The following LRFN5 variants were observed in gnomAD, a reference collection of about 807,000 sequenced individuals.
The protein encoded by LRFN5 is leucine rich repeat and fibronectin type III domain containing 5, also known as leucine-rich repeat and fibronectin type-III domain-containing protein 5.
In LRFN5, 24 loss-of-function variants were observed where a neutral mutation model predicts 45.6. The ratio of observed to expected loss-of-function variants is 0.53; its 90% CI spans 0.38 to 0.74. The LOEUF (loss-of-function observed/expected upper bound fraction) is 0.74, where lower values mean the gene tolerates loss of function less well. LRFN5 is among the 30% of genes least tolerant of loss of function. LRFN5 has a pLI of 0.00. For synonymous variants in LRFN5, 340 were observed against 313.8 expected (o/e 1.08, Z -0.88); for missense variants, 776 against 861.5 (o/e 0.90, Z 1.24).
intron 2 of LRFN5, among the ~76,000 whole-genome samples, chr14:41,805,891 A>G (rs1887509888): frequency 6.6e-6 from 1 of 151,996 alleles, no homozygotes; most frequent in Non-Finnish European, 1.5e-5. Flanking sequence ...ATCATGAATC[A>G]TTAGGGTATG....
intron 1 of LRFN5, among the ~76,000 whole-genome samples, chr14:41,704,448 C>CTG (rs59129586): frequency 4.8e-5 from 6 of 124,236 alleles, no homozygotes; most frequent in Non-Finnish European, 7.9e-5. Flanking sequence ...CTCTCTCTCT[C>CTG]TGTGTGTGTG....
chr14:41,828,947 A>G (rs1244797457), intron 2 of LRFN5, among the ~76,000 whole-genome samples: 1 of 151,938 alleles, frequency 6.6e-6, no homozygotes, highest in Admixed American at 6.6e-5. Flanking sequence ...CTAATATGAG[A>G]TATTACACAT....
chr14:41,674,478 G>A (rs1187178906), intron 1 of LRFN5, among the ~76,000 whole-genome samples: 11 of 128,726 alleles, frequency 8.5e-5, no homozygotes, highest in East Asian at 5.2e-4. Context: ...CTCACCTCCC[G>A]GACGGGGTGG....
At chr14:41,770,689 G>A (rs753618508) in intron 2 of LRFN5, among the ~76,000 whole-genome samples, 9 of 152,178 alleles carry the variant, frequency 5.9e-5, no homozygotes, top group Non-Finnish European at 1.2e-4. Context: ...GCAGGACACA[G>A]TACACATAGC....
At chr14:41,683,205 T>C (rs962401312) in intron 1 of LRFN5, among the ~76,000 whole-genome samples, 4 of 152,152 alleles carry the variant, frequency 2.6e-5, no homozygotes, top group African/African-American at 9.7e-5. Flanking sequence ...ATCAATAGAA[T>C]GAAGGAAAAA....
chr14:41,677,332 T>C (rs1881678723), intron 1 of LRFN5, among the ~76,000 whole-genome samples: 1 of 151,872 alleles, frequency 6.6e-6, no homozygotes, highest in African/African-American at 2.4e-5. Context: ...AGAAAGACAA[T>C]TATAAAGCAT....
chr14:41,678,010 CAT>C (rs1881713174), intron 1 of LRFN5, among the ~76,000 whole-genome samples: 1 of 151,838 alleles, frequency 6.6e-6, no homozygotes, highest in Admixed American at 6.6e-5. Flanking sequence ...CAGAGATTGT[CAT>C]GATAATTTAA....
At chr14:41,799,083 T>C (rs1454715652) in intron 2 of LRFN5, among the ~76,000 whole-genome samples, 6 of 152,026 alleles carry the variant, frequency 3.9e-5, no homozygotes, top group Admixed American at 3.9e-4. Context: ...TGTCCAAACT[T>C]TAAAACAGAG....
At chr14:41,771,731 C>A (rs1073910) in intron 2 of LRFN5, among the ~76,000 whole-genome samples, 91,703 of 151,782 alleles carry the variant, frequency 0.6, 28,811 homozygotes, top group East Asian at 0.94. Context: ...TATCTCTGTC[C>A]GCATTTTGGT....
intron 2 of LRFN5, among the ~76,000 whole-genome samples, chr14:41,773,833 T>C (rs950285882): frequency 6.6e-6 from 1 of 152,210 alleles, no homozygotes; most frequent in Non-Finnish European, 1.5e-5. Context: ...ACTATTGTGG[T>C]TAATATGCTG....
intron 1 of LRFN5, among the ~76,000 whole-genome samples, chr14:41,764,261 T>C (rs1885786269): frequency 6.6e-6 from 1 of 152,196 alleles, no homozygotes; most frequent in Non-Finnish European, 1.5e-5. Flanking sequence ...TATTTACCTA[T>C]ATGAGCTTGC....
chr14:41,768,244 A>G (rs1049296497), intron 2 of LRFN5, among the ~76,000 whole-genome samples: 2 of 152,184 alleles, frequency 1.3e-5, no homozygotes, highest in Non-Finnish European at 2.9e-5. Context: ...ATTATATAAC[A>G]TTTAAAATAG....
intron 2 of LRFN5, among the ~76,000 whole-genome samples, chr14:41,848,777 C>A (rs945429771): frequency 6.6e-6 from 1 of 151,948 alleles, no homozygotes; most frequent in African/African-American, 2.4e-5. Context: ...CCCCATGGAG[C>A]CCCTCAACCA....
At chr14:41,849,708 A>C (rs1321858043) in intron 2 of LRFN5, among the ~76,000 whole-genome samples, 1 of 152,022 alleles carries the variant, frequency 6.6e-6, no homozygotes, top group Non-Finnish European at 1.5e-5. Context: ...TACTGCATGC[A>C]TGGTGTAAAT....
At chr14:41,746,367 A>G (rs1440610643) in intron 1 of LRFN5, among the ~76,000 whole-genome samples, 1 of 152,038 alleles carries the variant, frequency 6.6e-6, no homozygotes, top group Non-Finnish European at 1.5e-5. Flanking sequence ...AAAGTCATGT[A>G]TGACAAAAAA....
At chr14:41,795,984 CA>C (rs1421444830) in intron 2 of LRFN5, among the ~76,000 whole-genome samples, 3 of 151,694 alleles carry the variant, frequency 2.0e-5, no homozygotes, top group Non-Finnish European at 2.9e-5. Flanking sequence ...GCCTTAAAGA[CA>C]CTTTTTATCT....
intron 2 of LRFN5, among the ~76,000 whole-genome samples, chr14:41,817,137 T>G (rs552899850): frequency 6.6e-6 from 1 of 152,150 alleles, no homozygotes; most frequent in East Asian, 1.9e-4. Context: ...TTTGTTTCTT[T>G]ATTAAAATTT....
intron 1 of LRFN5, among the ~76,000 whole-genome samples, chr14:41,752,139 C>T (rs973312270): frequency 2.6e-5 from 4 of 152,100 alleles, no homozygotes; most frequent in Non-Finnish European, 5.9e-5. Context: ...GTATATGTGC[C>T]ACATTTTCTT....
intron 2 of LRFN5, among the ~76,000 whole-genome samples, chr14:41,863,362 G>C (rs1889734606): frequency 6.6e-6 from 1 of 152,058 alleles, no homozygotes; most frequent in Non-Finnish European, 1.5e-5. Flanking sequence ...TTGATGAGTA[G>C]TCATTGCCTT....
Sources: allele counts gnomAD v4.1 joint callset (sites outside exome capture counted in the v4.1 genomes callset), GRCh38; gene constraint gnomAD v4.1.1; transcripts MANE v1.5; gene names NCBI Gene and HGNC (gene_info 2026-07-23, HGNC 2026-07-21).